Variants in RHBDD1 observed in about 807,000 individuals in gnomAD.
RHBDD1 encodes rhomboid-related protein 4.
Under a neutral mutation model 36.3 loss-of-function variants are expected in RHBDD1, and 38 were observed. That is an observed-to-expected ratio of 1.05 (90% CI 0.81 to 1.37). The LOEUF (loss-of-function observed/expected upper bound fraction) is 1.37, where lower values mean the gene tolerates loss of function less well. Ranked by LOEUF, RHBDD1 falls within the 40% of genes most tolerant of loss-of-function variation. RHBDD1 has a pLI of 0.00. For missense variants in RHBDD1, 393 were observed against 377.6 expected, an observed-to-expected ratio of 1.04 and a Z score of -0.34; for synonymous variants, 151 against 136.5, an observed-to-expected ratio of 1.11 and a Z score of -0.74.
intron 8 of RHBDD1, among the ~76,000 whole-genome samples, chr2:226,945,145 G>GATT (rs60027437): frequency 0.055 from 7,962 of 144,772 alleles, 525 homozygotes; most frequent in African/African-American, 0.16. Flanking sequence ...GATCAAATCT[G>GATT]ATTATTATTA....
At chr2:226,851,996 G>C (rs189889018) in intron 3 of RHBDD1, among the ~76,000 whole-genome samples, 5 of 152,200 alleles carry the variant, frequency 3.3e-5, no homozygotes, top group African/African-American at 4.8e-5. Flanking sequence ...GGCAAGGCCA[G>C]CACGGTTGCT....
intron 8 of RHBDD1, among the ~76,000 whole-genome samples, chr2:226,963,226 A>G (rs1367254733): frequency 9.2e-5 from 14 of 152,192 alleles, no homozygotes. Context: ...GAACACTTAT[A>G]GCAGCTGTAG....
the RHBDD1 span, among the ~76,000 whole-genome samples, chr2:226,825,843 A>T: frequency 2.0e-5 from 3 of 152,332 alleles, no homozygotes; most frequent in African/African-American, 7.2e-5. Context: ...CTGTCTCCTC[A>T]TTTGTAAAAT....
intron 8 of RHBDD1, among the ~76,000 whole-genome samples, chr2:226,931,156 G>A (rs1290648617): frequency 2.0e-5 from 3 of 151,910 alleles, no homozygotes; most frequent in Admixed American, 6.6e-5. Flanking sequence ...CAAAGGAAAA[G>A]TCATTATATC....
At chr2:226,809,645 G>T in the RHBDD1 span, among the ~76,000 whole-genome samples, 1 of 151,910 alleles carries the variant, frequency 6.6e-6, no homozygotes, top group Non-Finnish European at 1.5e-5. Flanking sequence ...GAGAGAGAGA[G>T]ACACTCATAT....
At chr2:226,948,543 T>G (rs1204306353) in intron 8 of RHBDD1, among the ~76,000 whole-genome samples, 1 of 122,182 alleles carries the variant, frequency 8.2e-6, no homozygotes, top group Non-Finnish European at 1.6e-5. Context: ...AATGTGCACA[T>G]GTACCCTAAA....
chr2:226,910,321 A>G (rs1219726797), intron 7 of RHBDD1, among the ~76,000 whole-genome samples: 2 of 152,238 alleles, frequency 1.3e-5, no homozygotes, highest in African/African-American at 2.4e-5. Context: ...CTGTAAAATT[A>G]CTATAGTTAT....
chr2:226,876,849 C>T (rs898663167), intron 5 of RHBDD1, among the ~76,000 whole-genome samples: 1 of 152,088 alleles, frequency 6.6e-6, no homozygotes, highest in Non-Finnish European at 1.5e-5. Flanking sequence ...TATCAGTAAG[C>T]ACAATATGTG....
chr2:226,945,710 C>T (rs899759751), intron 8 of RHBDD1, among the ~76,000 whole-genome samples: 7 of 152,124 alleles, frequency 4.6e-5, no homozygotes, highest in Non-Finnish European at 8.8e-5. Flanking sequence ...ATTTCTGGTT[C>T]TAGATCCTTG....
At chr2:226,844,788 A>C (rs1279370926) in intron 3 of RHBDD1, among the ~76,000 whole-genome samples, 1 of 152,178 alleles carries the variant, frequency 6.6e-6, no homozygotes, top group African/African-American at 2.4e-5. Context: ...GGTTTATGAG[A>C]GAAGAAACTG....
At chr2:226,954,519 G>A (rs780637936) in intron 8 of RHBDD1, among the ~76,000 whole-genome samples, 2 of 152,058 alleles carry the variant, frequency 1.3e-5, no homozygotes, top group African/African-American at 2.4e-5. Flanking sequence ...ATTTCTAGCC[G>A]CTAGCAAACA....
At chr2:226,995,390 C>A in intron 8 of RHBDD1, 41 bp from the exon 9 acceptor site, 1 of 1,303,690 alleles carries the variant, frequency 7.7e-7, no homozygotes, top group Non-Finnish European at 1.1e-6. Flanking sequence ...TGCCTTGTCA[C>A]GTCAGAATGA....
At chr2:226,981,709 G>A (rs13031337) in intron 8 of RHBDD1, among the ~76,000 whole-genome samples, 15,664 of 152,242 alleles carry the variant, frequency 0.1, 885 homozygotes, top group Non-Finnish European at 0.12. Flanking sequence ...TACAGAAACA[G>A]GCGTGGTTTT....
At chr2:226,817,937 C>T in the RHBDD1 span, among the ~76,000 whole-genome samples, 1 of 152,220 alleles carries the variant, frequency 6.6e-6, no homozygotes, top group East Asian at 1.9e-4. Context: ...CACATAGATC[C>T]CTAGGTCTTT....
chr2:226,822,463 T>G, the RHBDD1 span, among the ~76,000 whole-genome samples: 1 of 150,500 alleles, frequency 6.6e-6, no homozygotes, highest in Admixed American at 6.6e-5. Flanking sequence ...GGTGAAACCC[T>G]GTCTCTACTA....
chr2:226,932,170 A>G (rs1007225543), intron 8 of RHBDD1, among the ~76,000 whole-genome samples: 3 of 152,118 alleles, frequency 2.0e-5, no homozygotes, highest in African/African-American at 7.2e-5. Flanking sequence ...ATACTATATT[A>G]CTTTGATTTT....
intron 8 of RHBDD1, among the ~76,000 whole-genome samples, chr2:226,917,264 T>A (rs1948978433): frequency 6.6e-6 from 1 of 152,180 alleles, no homozygotes; most frequent in East Asian, 1.9e-4. Flanking sequence ...TTAAATCTTA[T>A]TCTTAAAAAA....
chr2:226,973,832 C>T (rs145322848), intron 8 of RHBDD1, among the ~76,000 whole-genome samples: 550 of 152,306 alleles, frequency 3.6e-3, no homozygotes, highest in Middle Eastern at 6.8e-3. Flanking sequence ...GTTAGAACAA[C>T]TCCGGAGCCC....
the RHBDD1 span, among the ~76,000 whole-genome samples, chr2:226,802,854 G>T: frequency 6.6e-6 from 1 of 152,190 alleles, no homozygotes; most frequent in Non-Finnish European, 1.5e-5. Flanking sequence ...TGCTATGGAC[G>T]CACTTTGGGG....
Sources: gnomAD v4.1 joint callset for allele counts (sites outside exome capture counted in the v4.1 genomes callset) on GRCh38, gnomAD v4.1.1 for gene constraint, MANE v1.5 for transcripts, NCBI Gene and HGNC (gene_info 2026-07-23, HGNC 2026-07-21) for gene names.